Variants in ATP8B4 observed in about 807,000 individuals in gnomAD.
The protein encoded by ATP8B4 is probable phospholipid-transporting ATPase IM.
In ATP8B4, 133 loss-of-function variants were observed where a neutral mutation model predicts 145.6. The observed-to-expected ratio is 0.91, with a 90% confidence interval of 0.79 to 1.05. The LOEUF (loss-of-function observed/expected upper bound fraction) is 1.05, where lower values mean the gene tolerates loss of function less well. ATP8B4 is among the 50% of genes least tolerant of loss of function. ATP8B4 has a pLI of 0.00. For synonymous variants in ATP8B4, 507 were observed against 492.9 expected (o/e 1.03, Z -0.38); for missense variants, 1,458 against 1,425.2 (o/e 1.02, Z -0.37).
chr15:49,909,150 C>A (rs955463505), intron 20 of ATP8B4, among the ~76,000 whole-genome samples: 1 of 152,128 alleles, frequency 6.6e-6, no homozygotes, highest in Non-Finnish European at 1.5e-5. Flanking sequence ...CCATACCCCC[C>A]ACCCCAGTAC....
chr15:49,959,568 C>A (rs1384808945), intron 14 of ATP8B4, among the ~76,000 whole-genome samples: 1 of 151,534 alleles, frequency 6.6e-6, no homozygotes, highest in Non-Finnish European at 1.5e-5. Flanking sequence ...ACTTGGAAAC[C>A]CCACAAAAAA....
intron 1 of ATP8B4, among the ~76,000 whole-genome samples, chr15:50,177,574 T>A (rs566019665): frequency 1.3e-5 from 2 of 152,362 alleles, no homozygotes; most frequent in South Asian, 4.1e-4. Flanking sequence ...TGAGCTGTTT[T>A]GATTGGAGCT....
At chr15:49,939,582 T>C (rs976587914) in intron 14 of ATP8B4, among the ~76,000 whole-genome samples, 1 of 152,072 alleles carries the variant, frequency 6.6e-6, no homozygotes, top group Non-Finnish European at 1.5e-5. Context: ...CAGACCAATA[T>C]TGAGTTCTGA....
chr15:50,147,166 A>C (rs1389954331), intron 1 of ATP8B4, among the ~76,000 whole-genome samples: 2 of 152,198 alleles, frequency 1.3e-5, no homozygotes, highest in Admixed American at 1.3e-4. Context: ...CTGTAATCCC[A>C]GCACTTGGGG....
At chr15:50,172,935 G>A (rs1197191848) in intron 1 of ATP8B4, among the ~76,000 whole-genome samples, 13 of 145,268 alleles carry the variant, frequency 8.9e-5, no homozygotes, top group African/African-American at 2.9e-4. Context: ...AGTGAGGAGC[G>A]TCTCCGCCCG....
At chr15:49,924,005 A>G (rs10519248) in intron 16 of ATP8B4, among the ~76,000 whole-genome samples, 22,334 of 151,890 alleles carry the variant, frequency 0.15, 2,637 homozygotes, top group African/African-American at 0.32. Flanking sequence ...ACTCCGGAAA[A>G]GTCCATTAAT....
At chr15:49,972,332 C>T (rs2045231789) in intron 13 of ATP8B4, among the ~76,000 whole-genome samples, 1 of 151,952 alleles carries the variant, frequency 6.6e-6, no homozygotes, top group African/African-American at 2.4e-5. Flanking sequence ...CATATCTAAC[C>T]CTTTTCTCTA....
chr15:49,933,488 C>T (rs112823781), intron 15 of ATP8B4, among the ~76,000 whole-genome samples: 16 of 152,184 alleles, frequency 1.1e-4, no homozygotes, highest in African/African-American at 3.9e-4. Context: ...TTCCAAACAA[C>T]CATCTCACAA....
In ATP8B4 at chr15:49,969,861, C is replaced by T. The variant is rs185101831; in HGVS notation, c.1243+2721G>A. Reference sequence around the variant, plus strand: ...CCAATATCCCTGATGAACATCAGTGCGAAAATCCTCAATAAAATACTGGCA... The same window carrying T: ...CCAATATCCCTGATGAACATCAGTGTGAAAATCCTCAATAAAATACTGGCA... On this transcript the variant is annotated intron_variant, in intron 13 of 27. Coordinates refer to ENST00000284509, the MANE Select transcript of ATP8B4 (RefSeq NM_024837.4). Among the ~76,000 whole-genome samples, 14 of 152,214 alleles carry T rather than the reference C, an allele frequency of 9.2e-5. No individual in the cohort carries two copies. The East Asian group carries it at 1.2e-3, about 13-fold the overall frequency.
intron 2 of ATP8B4, among the ~76,000 whole-genome samples, chr15:50,095,481 C>T (rs12909131): frequency 0.18 from 27,340 of 152,124 alleles, 2,846 homozygotes; most frequent in Middle Eastern, 0.31. Flanking sequence ...TGAGGTTGAA[C>T]GCAGTGGCTC....
At chr15:50,020,351 C>T (rs906715910) in intron 6 of ATP8B4, among the ~76,000 whole-genome samples, 5 of 150,952 alleles carry the variant, frequency 3.3e-5, no homozygotes, top group Admixed American at 3.3e-4. Context: ...CTCACTGCAA[C>T]ATCCACTTCC....
intron 9 of ATP8B4, among the ~76,000 whole-genome samples, chr15:49,992,624 G>A (rs2047128988): frequency 6.6e-6 from 1 of 152,136 alleles, no homozygotes; most frequent in Admixed American, 6.6e-5. Flanking sequence ...CTGGGGATAG[G>A]AGTGGGAAAT....
At chr15:50,071,116 C>T (rs1237335006) in intron 3 of ATP8B4, among the ~76,000 whole-genome samples, 1 of 152,160 alleles carries the variant, frequency 6.6e-6, no homozygotes, top group Non-Finnish European at 1.5e-5. Flanking sequence ...TCCTCTACTG[C>T]CTTGTGATTG....
intron 1 of ATP8B4, among the ~76,000 whole-genome samples, chr15:50,156,087 T>C (rs1180170851): frequency 8.0e-4 from 4 of 5,030 alleles, no homozygotes; most frequent in African/African-American, 1.0e-3. Context: ...TATATATATA[T>C]ATATAAATAT....
chr15:50,093,309 A>G (rs1421100892), intron 2 of ATP8B4, among the ~76,000 whole-genome samples: 1 of 152,114 alleles, frequency 6.6e-6, no homozygotes, highest in African/African-American at 2.4e-5. Context: ...TGTACTGACA[A>G]TAATACATGT....
chr15:49,938,547 A>T (rs1019294166), intron 14 of ATP8B4, among the ~76,000 whole-genome samples: 2 of 152,146 alleles, frequency 1.3e-5, no homozygotes, highest in South Asian at 2.1e-4. Flanking sequence ...TAACTCAACC[A>T]GAAGACTTAC....
chr15:50,149,122 A>T (rs2044314826), intron 1 of ATP8B4, among the ~76,000 whole-genome samples: 2 of 152,168 alleles, frequency 1.3e-5, no homozygotes, highest in Non-Finnish European at 2.9e-5. Flanking sequence ...TTAAATGTGA[A>T]TGTGGTGGTG....
At chr15:49,934,757 G>A (rs1294202176) in intron 14 of ATP8B4, among the ~76,000 whole-genome samples, 3 of 151,950 alleles carry the variant, frequency 2.0e-5, no homozygotes, top group Non-Finnish European at 4.4e-5. Context: ...AAATATATCT[G>A]GCTCCAAAGT....
At chr15:49,878,689 T>G (rs1302694507) in intron 24 of ATP8B4, among the ~76,000 whole-genome samples, 2 of 152,182 alleles carry the variant, frequency 1.3e-5, no homozygotes, top group Non-Finnish European at 2.9e-5. Context: ...TTTTTGTGAT[T>G]GATCCTCTCC....
Sources: allele counts gnomAD v4.1 joint callset (sites outside exome capture counted in the v4.1 genomes callset), GRCh38; gene constraint gnomAD v4.1.1; transcripts MANE v1.5; gene names NCBI Gene and HGNC (gene_info 2026-07-23, HGNC 2026-07-21).